RCAN2: variants seen among roughly 807,000 people sequenced by gnomAD.
The protein encoded by RCAN2 is regulator of calcineurin 2, also known as calcipressin-2.
In RCAN2, 9 loss-of-function variants were observed where a neutral mutation model predicts 23.6. That is an observed-to-expected ratio of 0.38 (90% CI 0.23 to 0.67). The LOEUF (loss-of-function observed/expected upper bound fraction) is 0.67. RCAN2 is among the 30% of genes least tolerant of loss of function. The pLI, the probability that RCAN2 is intolerant of heterozygous loss-of-function variation, is 0.51. For missense variants in RCAN2, 273 were observed against 302.3 expected (o/e 0.90, Z 0.72); for synonymous variants, 109 against 115.7 (o/e 0.94, Z 0.37).
At chr6:46,344,760 A>G (rs1262219233) in intron 2 of RCAN2, among the ~76,000 whole-genome samples, 1 of 152,058 alleles carries the variant, frequency 6.6e-6, no homozygotes, top group African/African-American at 2.4e-5. Context: ...ACTAAAAAAA[A>G]TGTGTTTACC....
intron 2 of RCAN2, among the ~76,000 whole-genome samples, chr6:46,355,105 T>C (rs565498187): frequency 2.6e-5 from 4 of 152,348 alleles, no homozygotes; most frequent in East Asian, 3.9e-4. Flanking sequence ...TTCATACTTG[T>C]GACTGGTAGA....
At chr6:46,266,770 G>A (rs538134514) in intron 2 of RCAN2, among the ~76,000 whole-genome samples, 2 of 152,196 alleles carry the variant, frequency 1.3e-5, no homozygotes, top group South Asian at 2.1e-4. Flanking sequence ...TTTATTCTTG[G>A]AAGGGACACT....
intron 2 of RCAN2, among the ~76,000 whole-genome samples, chr6:46,364,961 A>G (rs1383474267): frequency 6.6e-6 from 1 of 152,114 alleles, no homozygotes; most frequent in African/African-American, 2.4e-5. Flanking sequence ...TCCAAGTACC[A>G]ACATAAATGG....
chr6:46,437,363 C>A (rs1767404696), intron 2 of RCAN2, among the ~76,000 whole-genome samples: 1 of 152,160 alleles, frequency 6.6e-6, no homozygotes, highest in Admixed American at 6.5e-5. Context: ...GAGCATCACT[C>A]CCACCCCATA....
chr6:46,458,780 A>T (rs1048434041), intron 1 of RCAN2, among the ~76,000 whole-genome samples: 1 of 152,246 alleles, frequency 6.6e-6, no homozygotes, highest in Non-Finnish European at 1.5e-5. Context: ...AGCATAAAAC[A>T]CCTAATTACC....
At chr6:46,349,711 C>A (rs1332181799) in intron 2 of RCAN2, among the ~76,000 whole-genome samples, 3 of 152,166 alleles carry the variant, frequency 2.0e-5, no homozygotes, top group African/African-American at 7.2e-5. Context: ...CAAAGAAAAT[C>A]TCAGATTCTG....
chr6:46,410,877 T>C (rs1448035765), intron 2 of RCAN2, among the ~76,000 whole-genome samples: 1 of 152,232 alleles, frequency 6.6e-6, no homozygotes, highest in Non-Finnish European at 1.5e-5. Context: ...ATTATGGTTA[T>C]CCTGACAACA....
chr6:46,480,087 G>A (rs987324467), intron 1 of RCAN2, among the ~76,000 whole-genome samples: 15 of 152,190 alleles, frequency 9.9e-5, no homozygotes, highest in Non-Finnish European at 1.8e-4. Context: ...ATTATAAAGC[G>A]GGCCCCACAA....
chr6:46,291,958 G>A (rs925913277), intron 2 of RCAN2, among the ~76,000 whole-genome samples: 2 of 152,116 alleles, frequency 1.3e-5, no homozygotes, highest in Admixed American at 6.6e-5. Flanking sequence ...GACAGTATTC[G>A]GCAACCAGCA....
At chr6:46,310,359 T>A (rs1763215991) in intron 2 of RCAN2, among the ~76,000 whole-genome samples, 1 of 152,122 alleles carries the variant, frequency 6.6e-6, no homozygotes, top group Non-Finnish European at 1.5e-5. Flanking sequence ...ACTCTTGAGT[T>A]TATTTTACTT....
intron 2 of RCAN2, among the ~76,000 whole-genome samples, chr6:46,375,156 G>A (rs889410137): frequency 1.3e-5 from 2 of 152,168 alleles, no homozygotes; most frequent in African/African-American, 4.8e-5. Context: ...TGTTGGCCAG[G>A]CTGATCTTGA....
At chr6:46,265,138 T>A (rs1767277350) in intron 2 of RCAN2, among the ~76,000 whole-genome samples, 1 of 152,182 alleles carries the variant, frequency 6.6e-6, no homozygotes, top group Non-Finnish European at 1.5e-5. Context: ...TGAAGAATTC[T>A]TGTGCAATCC....
At chr6:46,369,688 A>G (rs1765275793) in intron 2 of RCAN2, among the ~76,000 whole-genome samples, 1 of 152,236 alleles carries the variant, frequency 6.6e-6, no homozygotes, top group African/African-American at 2.4e-5. Flanking sequence ...TAGAGAAGAC[A>G]TGCTTCTAAT....
intron 2 of RCAN2, among the ~76,000 whole-genome samples, chr6:46,287,561 C>G (rs1762414179): frequency 6.6e-6 from 1 of 152,258 alleles, no homozygotes. Context: ...TTAGCAGAAG[C>G]ATGACTTCCA....
rs1767545613 is a variant in RCAN2 at position 46,441,509 on chromosome 6, C to T, written c.225+15243G>A. Among the ~76,000 whole-genome samples, 3 of 152,162 alleles carry T rather than the reference C, an allele frequency of 2.0e-5. No homozygotes were observed. The South Asian group carries it at 6.2e-4, about 32-fold the overall frequency. ...TTCTATGTATAAATAATACATTATA[C>T]TAAATAATTTGGAGTTAATAATAGC... is the stretch of plus-strand genomic sequence containing the variant. On this transcript the variant is annotated intron_variant, in intron 2 of 4. Coordinates refer to ENST00000371374, the MANE Select transcript of RCAN2 (RefSeq NM_001251974.2).
intron 2 of RCAN2, among the ~76,000 whole-genome samples, chr6:46,284,090 A>T (rs1053085631): frequency 3.3e-5 from 5 of 151,830 alleles, no homozygotes; most frequent in Admixed American, 6.6e-5. Context: ...ATACTTGATA[A>T]TTTTTTTTTA....
intron 2 of RCAN2, among the ~76,000 whole-genome samples, chr6:46,270,449 C>T (rs1022933554): frequency 2.6e-5 from 4 of 152,192 alleles, no homozygotes; most frequent in East Asian, 1.9e-4. Flanking sequence ...CAGCTGGCAT[C>T]GTGGAGAAGG....
At chr6:46,302,743 G>A (rs1455260382) in intron 2 of RCAN2, among the ~76,000 whole-genome samples, 1 of 152,082 alleles carries the variant, frequency 6.6e-6, no homozygotes, top group Non-Finnish European at 1.5e-5. Context: ...ATAATAACCA[G>A]TATACTTCAT....
chr6:46,454,369 C>CT (rs1311938147), intron 2 of RCAN2, among the ~76,000 whole-genome samples: 2 of 152,006 alleles, frequency 1.3e-5, no homozygotes, highest in Non-Finnish European at 2.9e-5. Context: ...AGACTCCCCA[C>CT]TTTTTTTTCT....
Sources: gnomAD v4.1 joint callset for allele counts (sites outside exome capture counted in the v4.1 genomes callset) on GRCh38, gnomAD v4.1.1 for gene constraint, MANE v1.5 for transcripts, NCBI Gene and HGNC (gene_info 2026-07-23, HGNC 2026-07-21) for gene names.